DLG2: variants seen among roughly 807,000 people sequenced by gnomAD.
DLG2 encodes discs large MAGUK scaffold protein 2.
DLG2 carries 45 observed loss-of-function variants against 132.5 expected under a neutral mutation model. The observed-to-expected ratio is 0.34, with a 90% confidence interval of 0.27 to 0.44. DLG2 has a LOEUF of 0.44. DLG2 is among the 20% of genes least tolerant of loss of function. The probability of loss-of-function intolerance (pLI) is 1.00; values close to 1 mark genes in which losing one functional copy is unlikely to be tolerated. For missense variants in DLG2, 1,045 were observed against 1,196.9 expected (o/e 0.87, Z 1.87); for synonymous variants, 424 against 419.6 (o/e 1.01, Z -0.13).
intron 18 of DLG2, among the ~76,000 whole-genome samples, chr11:83,656,802 T>C (rs2072594277): frequency 6.6e-6 from 1 of 152,186 alleles, no homozygotes; most frequent in Non-Finnish European, 1.5e-5. Context: ...ACAACACCAA[T>C]ACGGGATGAT....
chr11:83,909,470 G>C (rs1188515814), intron 15 of DLG2, among the ~76,000 whole-genome samples: 1 of 152,188 alleles, frequency 6.6e-6, no homozygotes, highest in East Asian at 1.9e-4. Flanking sequence ...GGAAGCCACT[G>C]TCAAAGACCT....
chr11:84,591,555 G>C (rs986457255), intron 6 of DLG2, among the ~76,000 whole-genome samples: 1 of 151,946 alleles, frequency 6.6e-6, no homozygotes, highest in South Asian at 2.1e-4. Context: ...CAGCTACTGG[G>C]GAGGTTGAGG....
intron 3 of DLG2, among the ~76,000 whole-genome samples, chr11:85,484,374 T>G (rs1030227046): frequency 8.0e-5 from 12 of 150,832 alleles, no homozygotes; most frequent in African/African-American, 2.7e-4. Context: ...ACTAAAGAGC[T>G]TCTGCACAGC....
intron 3 of DLG2, among the ~76,000 whole-genome samples, chr11:85,501,676 C>A (rs937782081): frequency 6.6e-6 from 1 of 152,222 alleles, no homozygotes; most frequent in African/African-American, 2.4e-5. Flanking sequence ...AAATGCTCAT[C>A]ATCTCTGGTC....
intron 6 of DLG2, among the ~76,000 whole-genome samples, chr11:84,538,031 G>T (rs1205382142): frequency 6.6e-6 from 1 of 152,120 alleles, no homozygotes; most frequent in Non-Finnish European, 1.5e-5. Context: ...TATATGCTAA[G>T]AATATGAACT....
intron 10 of DLG2, among the ~76,000 whole-genome samples, chr11:84,091,344 T>C (rs548111427): frequency 5.4e-4 from 82 of 152,282 alleles, no homozygotes; most frequent in Non-Finnish European, 9.1e-4. Context: ...CAGATTCACA[T>C]CTCCAGCCAG....
chr11:84,913,615 A>G (rs1028869441), intron 6 of DLG2, among the ~76,000 whole-genome samples: 2 of 152,212 alleles, frequency 1.3e-5, no homozygotes, highest in Admixed American at 6.5e-5. Flanking sequence ...AGAACACATG[A>G]CAAATAATAC....
chr11:84,925,226 G>C (rs952080721), intron 6 of DLG2, among the ~76,000 whole-genome samples: 5 of 152,080 alleles, frequency 3.3e-5, no homozygotes, highest in Admixed American at 2.0e-4. Context: ...AGACCAAAAA[G>C]AACTGGAAAA....
At position 83,699,734 on chromosome 11, in the gene DLG2, AAATAAT is replaced by A. The variant is rs59518828; in HGVS notation, c.1826-66415_1826-66410del. Among the ~76,000 whole-genome samples the A allele has an allele frequency of 6.3e-3, 922 of 146,808 alleles. 6 individuals carry two copies. The highest frequency in any genetic ancestry group is 9.5e-3 in the Non-Finnish European group (637 of 67,220). On this transcript the variant is annotated intron_variant, in intron 18 of 27. Transcript: ENST00000376104. ...AAAAAAAAACATAATAATAATTTAA[AAATAAT>A]AATAATAATAATAATAATACAGAAT...
chr11:84,977,877 A>C (rs927887701), intron 6 of DLG2, among the ~76,000 whole-genome samples: 24 of 152,196 alleles, frequency 1.6e-4, no homozygotes, highest in African/African-American at 5.1e-4. Flanking sequence ...GTTTAATCTC[A>C]TCTTAAATTT....
chr11:84,409,057 T>A (rs541274663), intron 7 of DLG2, among the ~76,000 whole-genome samples: 1 of 152,290 alleles, frequency 6.6e-6, no homozygotes, highest in East Asian at 1.9e-4. Context: ...TGTTTACTGC[T>A]CAAGTCTCAT....
At chr11:84,797,000 C>A (rs552182643) in intron 6 of DLG2, among the ~76,000 whole-genome samples, 4 of 152,090 alleles carry the variant, frequency 2.6e-5, no homozygotes, top group Admixed American at 2.6e-4. Context: ...GATGCATCAC[C>A]ACACCTGGCT....
intron 6 of DLG2, among the ~76,000 whole-genome samples, chr11:84,947,733 A>G (rs2050399370): frequency 6.6e-6 from 1 of 152,170 alleles, no homozygotes; most frequent in Non-Finnish European, 1.5e-5. Flanking sequence ...AGTGGAGATT[A>G]ATTTTATTTA....
chr11:84,250,747 C>T (rs2154350289), intron 8 of DLG2, among the ~76,000 whole-genome samples: 1 of 152,326 alleles, frequency 6.6e-6, no homozygotes. Context: ...ATCTCATGCT[C>T]ATGCTTTCAT....
chr11:84,040,506 G>T (rs957220689), intron 11 of DLG2, among the ~76,000 whole-genome samples: 1 of 151,804 alleles, frequency 6.6e-6, no homozygotes, highest in Non-Finnish European at 1.5e-5. Flanking sequence ...GTTTTTCTCA[G>T]GTTTGTCAAA....
At chr11:83,571,023 C>T (rs986950015) in intron 19 of DLG2, among the ~76,000 whole-genome samples, 1 of 152,066 alleles carries the variant, frequency 6.6e-6, no homozygotes, top group African/African-American at 2.4e-5. Flanking sequence ...GCCGGGATTA[C>T]AGGCATGCAC....
chr11:84,407,910 A>T (rs2154452534), intron 7 of DLG2, among the ~76,000 whole-genome samples: 1 of 152,334 alleles, frequency 6.6e-6, no homozygotes, highest in South Asian at 2.1e-4. Flanking sequence ...TTGCAAAACA[A>T]GGATCATAGA....
chr11:85,140,472 T>G (rs2076394598), intron 5 of DLG2, among the ~76,000 whole-genome samples: 1 of 151,890 alleles, frequency 6.6e-6, no homozygotes, highest in Non-Finnish European at 1.5e-5. Context: ...TTATATATAT[T>G]TATAGGGTAC....
chr11:84,601,742 T>C (rs2099576933), intron 6 of DLG2, among the ~76,000 whole-genome samples: 1 of 152,098 alleles, frequency 6.6e-6, no homozygotes, highest in South Asian at 2.1e-4. Context: ...AAAAAATATA[T>C]TTCAGTTTTT....
Sources: allele counts gnomAD v4.1 joint callset (sites outside exome capture counted in the v4.1 genomes callset), GRCh38; gene constraint gnomAD v4.1.1; transcripts MANE v1.5; gene names NCBI Gene and HGNC (gene_info 2026-07-23, HGNC 2026-07-21).